The following GRIN3A variants were observed in gnomAD, a reference collection of about 807,000 sequenced individuals.
The protein encoded by GRIN3A is glutamate receptor ionotropic, NMDA 3A.
GRIN3A carries 47 observed loss-of-function variants against 92.4 expected under a neutral mutation model. The ratio of observed to expected loss-of-function variants is 0.51; its 90% CI spans 0.40 to 0.65. GRIN3A has a LOEUF of 0.65. GRIN3A is among the 30% of genes least tolerant of loss of function. GRIN3A has a pLI of 0.00. For missense variants in GRIN3A, 1,324 were observed against 1,393.1 expected (o/e 0.95, Z 0.79); for synonymous variants, 527 against 540.6 (o/e 0.97, Z 0.35).
chr9:101,715,617 G>T (rs973726395), intron 1 of GRIN3A, among the ~76,000 whole-genome samples: 2 of 152,096 alleles, frequency 1.3e-5, no homozygotes, highest in Non-Finnish European at 2.9e-5. Flanking sequence ...AGCAAAACAG[G>T]TAGAGAGATA....
intron 3 of GRIN3A, among the ~76,000 whole-genome samples, chr9:101,646,130 T>C (rs898291384): frequency 5.3e-5 from 8 of 151,904 alleles, no homozygotes; most frequent in African/African-American, 1.7e-4. Flanking sequence ...TTTGAGATCT[T>C]ACCCAAAAAA....
chr9:101,571,673 T>G lies in GRIN3A; in HGVS notation c.*1501A>C, dbSNP rs1349094313. 6.6e-6 allele frequency: 1 copy of G among 152,222 alleles called. No individual in the cohort carries two copies. The highest frequency in any genetic ancestry group is 1.5e-5 in the Non-Finnish European group (1 of 68,052). 9.4% of individuals were successfully genotyped at this position (152,222 alleles called of 1,614,324 possible). On this transcript the variant is annotated 3_prime_UTR_variant, in exon 9 of 9. Transcript: ENST00000361820. ...ACAAAACAAAACTTCTCAAACAGGT[T>G]TTCTCTTCATGCTTCTCCTCCTGCC...
In GRIN3A at chr9:101,603,327, G is replaced by A. The variant is rs71509735; in HGVS notation, c.2766+10049C>T. ...CACCAAATATATGTATTTTTTCTGC[G>A]TGCATGGTTCTATAATCAGGGAAGG... On this transcript the variant is annotated intron_variant, in intron 6 of 8. Coordinates refer to ENST00000361820, the MANE Select transcript of GRIN3A (RefSeq NM_133445.3). 6.8e-3 allele frequency among the ~76,000 whole-genome samples: 1,029 copies of A among 152,182 alleles called. 4 individuals carry two copies. Among genetic ancestry groups the A allele is most frequent in the Non-Finnish European group, 0.012 (784 of 68,008 alleles).
chr9:101,728,189 A>C (rs898622743), intron 1 of GRIN3A, among the ~76,000 whole-genome samples: 4 of 152,208 alleles, frequency 2.6e-5, no homozygotes, highest in African/African-American at 9.6e-5. Context: ...TTACGAAAAC[A>C]AAAACTTTTC....
chr9:101,674,221 G>T (rs1207571177), intron 2 of GRIN3A, among the ~76,000 whole-genome samples: 1 of 152,052 alleles, frequency 6.6e-6, no homozygotes, highest in African/African-American at 2.4e-5. Context: ...AGGGGAATTT[G>T]TCTGGGGGGA....
chr9:101,683,315 A>G (rs1829487022), intron 2 of GRIN3A, among the ~76,000 whole-genome samples: 1 of 152,174 alleles, frequency 6.6e-6, no homozygotes, highest in Admixed American at 6.5e-5. Context: ...TCTGACATCC[A>G]CTATTCATGG....
chr9:101,672,333 G>T (rs949729404), intron 2 of GRIN3A, among the ~76,000 whole-genome samples: 8 of 152,216 alleles, frequency 5.3e-5, no homozygotes, highest in African/African-American at 1.9e-4. Flanking sequence ...CTGACTTAAT[G>T]TCATTCAAGT....
At position 101,738,147 on chromosome 9, in the gene GRIN3A, C is replaced by T; in HGVS notation, c.-168G>A. On this transcript the variant is annotated 5_prime_UTR_variant, in exon 1 of 9. Transcript: ENST00000361820. The stretch of plus-strand genomic sequence containing the variant: ...CTAGGCCATGCAAGTTGGAGCGTAG[C>T]GCGCCTCCGGCAGTCTCAGATCCCG... 1.4e-6 allele frequency: 1 copy of T among 692,682 alleles called. No individual in the cohort carries two copies. Among genetic ancestry groups the T allele is most frequent in the Non-Finnish European group, 2.6e-6 (1 of 388,866 alleles). 42.9% of individuals were successfully genotyped at this position (692,682 alleles called of 1,614,324 possible). A position where few individuals can be genotyped will look rare whatever the true frequency, so the allele number is the denominator to read the frequency against.
chr9:101,578,846 C>T (rs1296017873), intron 7 of GRIN3A, among the ~76,000 whole-genome samples: 3 of 152,080 alleles, frequency 2.0e-5, no homozygotes, highest in Admixed American at 2.0e-4. Flanking sequence ...TTTAAACTCA[C>T]GTAATAGGTT....
intron 5 of GRIN3A, among the ~76,000 whole-genome samples, chr9:101,621,142 G>C (rs1041064086): frequency 1.3e-5 from 2 of 151,824 alleles, no homozygotes; most frequent in African/African-American, 4.8e-5. Flanking sequence ...AAAATTAGCG[G>C]GGTGTGGTGG....
Position 101,738,256 on chromosome 9 carries a change from C to G in GRIN3A, c.-277G>C, listed in dbSNP as rs1441811771. On this transcript the variant is annotated 5_prime_UTR_variant, in exon 1 of 9. Coordinates refer to ENST00000361820, the MANE Select transcript of GRIN3A (RefSeq NM_133445.3). ...GGCGGGCGGGCCGGCGCCTGTCACC[C>G]GCAGCTGGAGCGCCCGTTCCCTGCC... The G allele has an allele frequency of 1.2e-4, 59 of 495,528 alleles. No homozygotes were observed. The highest frequency in any genetic ancestry group is 2.1e-4 in the Non-Finnish European group (57 of 276,450). The allele number at this position is 495,528 out of a possible 1,614,324, so 30.7% of individuals were successfully genotyped here. A position where few individuals can be genotyped will look rare whatever the true frequency, so the allele number is the denominator to read the frequency against.
At chr9:101,615,441 C>G (rs1828432528) in intron 5 of GRIN3A, among the ~76,000 whole-genome samples, 1 of 145,000 alleles carries the variant, frequency 6.9e-6, no homozygotes, top group African/African-American at 2.5e-5. Context: ...ACTGCAAGCT[C>G]CGCCTCCTGG....
chr9:101,717,617 A>T (rs2119023040), intron 1 of GRIN3A, among the ~76,000 whole-genome samples: 1 of 152,322 alleles, frequency 6.6e-6, no homozygotes, highest in Non-Finnish European at 1.5e-5. Context: ...AACAAGGTAA[A>T]ATACAGTTCC....
intron 6 of GRIN3A, among the ~76,000 whole-genome samples, chr9:101,611,783 G>T (rs1209778010): frequency 1.3e-5 from 2 of 152,136 alleles, no homozygotes; most frequent in Non-Finnish European, 2.9e-5. Flanking sequence ...TATGACAAGT[G>T]CTATGACATA....
chr9:101,686,857 A>T lies in GRIN3A; in HGVS notation c.1043T>A (p.Met348Lys). Residue 348 changes from methionine to lysine, a missense_variant, in exon 2 of 9, where the codon ATG (methionine) becomes AAG (lysine). Coordinates refer to ENST00000361820, the MANE Select transcript of GRIN3A (RefSeq NM_133445.3). ...CAGCACCCAACGAAGTTCAGGGGGC[A>T]TGACCCCAAACTGGGTTGTAATTTC... ...IFEITTQFGV[M>K]PPELRWVLGD... The T allele has an allele frequency of 6.2e-7, 1 of 1,614,246 alleles. No homozygotes were observed. Among genetic ancestry groups the T allele is most frequent in the Non-Finnish European group, 8.5e-7 (1 of 1,180,048 alleles).
At position 101,615,021 on chromosome 9, in the gene GRIN3A, T is replaced by C. The variant is rs76858452; in HGVS notation, c.2615-1494A>G. On this transcript the variant is annotated intron_variant, in intron 5 of 8. Coordinates refer to ENST00000361820, the MANE Select transcript of GRIN3A (RefSeq NM_133445.3). ...CAGGGGAAGGAATGAGGGAGGAACA[T>C]AAAAATGGAGTTAATTTGTTGTCAG... Among the ~76,000 whole-genome samples the C allele has an allele frequency of 6.6e-3, 998 of 152,150 alleles. 5 individuals are homozygous for C. Among genetic ancestry groups the C allele is most frequent in the African/African-American group, 0.023 (968 of 41,538 alleles).
chr9:101,649,288 C>T (rs1239859868), intron 3 of GRIN3A, among the ~76,000 whole-genome samples: 1 of 151,888 alleles, frequency 6.6e-6, no homozygotes, highest in Non-Finnish European at 1.5e-5. Context: ...CCTATTGTTT[C>T]CCCTGCAGCA....
At chr9:101,657,858 T>G (rs1588270153) in intron 3 of GRIN3A, among the ~76,000 whole-genome samples, 1 of 151,838 alleles carries the variant, frequency 6.6e-6, no homozygotes, top group Non-Finnish European at 1.5e-5. Flanking sequence ...GTGGTGGAGG[T>G]GTGGGAGTTA....
chr9:101,689,197 A>G (rs1293683654), intron 1 of GRIN3A, among the ~76,000 whole-genome samples: 1 of 152,196 alleles, frequency 6.6e-6, no homozygotes, highest in Non-Finnish European at 1.5e-5. Flanking sequence ...TTTAGCTAGC[A>G]GGAACAAATT....
Sources: gnomAD v4.1 joint callset for allele counts (sites outside exome capture counted in the v4.1 genomes callset) on GRCh38, gnomAD v4.1.1 for gene constraint, MANE v1.5 for transcripts, NCBI Gene and HGNC (gene_info 2026-07-23, HGNC 2026-07-21) for gene names.